Variants in PIEZO2 observed in about 807,000 individuals in gnomAD.
PIEZO2 encodes piezo-type mechanosensitive ion channel component 2.
A neutral mutation model predicts 337.3 loss-of-function variants in PIEZO2; 172 were observed. The ratio of observed to expected loss-of-function variants is 0.51; its 90% CI spans 0.45 to 0.58. The LOEUF is 0.58. PIEZO2 is among the 20% of genes least tolerant of loss of function. The pLI, the probability that PIEZO2 is intolerant of heterozygous loss-of-function variation, is 0.00. For missense variants in PIEZO2, 3,028 were observed against 3,391.3 expected (o/e 0.89, Z 2.66); for synonymous variants, 1,251 against 1,228.5 (o/e 1.02, Z -0.38).
At chr18:10,987,093 T>G (rs1568268897) in intron 2 of PIEZO2, among the ~76,000 whole-genome samples, 1 of 152,050 alleles carries the variant, frequency 6.6e-6, no homozygotes, top group Non-Finnish European at 1.5e-5. Flanking sequence ...CCCATGTTCA[T>G]GGACTGGAAT....
At chr18:10,967,095 G>A (rs1431898316) in intron 3 of PIEZO2, among the ~76,000 whole-genome samples, 13 of 141,112 alleles carry the variant, frequency 9.2e-5, no homozygotes, top group Non-Finnish European at 1.5e-5. Context: ...TCGGCTCACT[G>A]CAACTTCTGC....
rs35347689 is a variant in PIEZO2 at position 11,012,071 on chromosome 18, G to GA, written c.161-32412dup. On this transcript the variant is annotated intron_variant, in intron 2 of 55. Transcript: ENST00000674853. ...TATTGTCTTATCCCTTTGCAAAAGC[G>GA]AAAAAAAAAGTTTTAGGGGAGAATT... Among the ~76,000 whole-genome samples, 20 of 151,682 alleles carry GA rather than the reference G, an allele frequency of 1.3e-4. No homozygotes were observed. The South Asian group carries it at 2.5e-3, about 19-fold the overall frequency.
At position 10,696,476 on chromosome 18, in the gene PIEZO2, G is replaced by C; in HGVS notation, c.6891C>G (p.Ser2297Arg). Residue 2297 changes from serine (S) to arginine (R), a missense_variant, in exon 46 of 56, where the codon AGC (serine) becomes AGG (arginine). Ser to Arg is a moderately radical substitution (Grantham distance 110). This residue lies in a region of PIEZO2 where 1,925 missense variants were observed against 2,051.9 expected (regional missense o/e 0.94). Coordinates refer to ENST00000674853, the MANE Select transcript of PIEZO2 (RefSeq NM_001378183.1). ...TGAGTACATACACGTCAGTCACGGC[G>C]CTATACTCCGGGTGGATGAGGTTGT... ...FFYNLIHPEY[S>R]AVTDVYVLMF... 6.2e-7 allele frequency: 1 copy of C among 1,614,084 alleles called. No individual in the cohort carries two copies. Among genetic ancestry groups the C allele is most frequent in the Non-Finnish European group, 8.5e-7 (1 of 1,180,022 alleles).
Position 10,736,729 on chromosome 18 carries a change from T to A in PIEZO2, c.4709-19A>T. 6.5e-7 allele frequency: 1 copy of A among 1,532,492 alleles called. No individual in the cohort carries two copies. The highest frequency in any genetic ancestry group is 1.4e-5 in the African/African-American group (1 of 72,824). The allele number at this position is 1,532,492 out of a possible 1,614,324, so 94.9% of individuals were successfully genotyped here. On this transcript the variant is annotated intron_variant, in intron 33 of 55. Coordinates refer to ENST00000674853, the MANE Select transcript of PIEZO2 (RefSeq NM_001378183.1). ...CTGACCACTAAGCAAAACAAAATAT[T>A]CACTCATTTCTTGAAAGACATATAA...
chr18:11,054,815 A>C (rs908430481), intron 2 of PIEZO2, among the ~76,000 whole-genome samples: 4 of 152,280 alleles, frequency 2.6e-5, no homozygotes, highest in African/African-American at 9.6e-5. Flanking sequence ...CAGGGAGAGG[A>C]GCATGGATGA....
rs1380692109 is a variant in PIEZO2 at position 10,784,760 on chromosome 18, T to C, written c.2492+24A>G. 1 of 1,509,380 alleles carries C rather than the reference T, an allele frequency of 6.6e-7. No homozygotes were observed. The highest frequency in any genetic ancestry group is 8.8e-7 in the Non-Finnish European group (1 of 1,130,060). 93.5% of individuals were successfully genotyped at this position (1,509,380 alleles called of 1,614,324 possible). ...GAGCTGCCTTCCTGCTAATAAGAGG[T>C]CTGTGTTTCTTCCAGTGGCTCACCT... On this transcript the variant is annotated intron_variant, in intron 17 of 55. Transcript: ENST00000674853. This position sits in a 1 kb window ranked among gnomAD's most constrained non-coding sequence, Gnocchi z 4.5.
At chr18:11,095,608 A>G (rs2039239352) in intron 1 of PIEZO2, among the ~76,000 whole-genome samples, 1 of 152,228 alleles carries the variant, frequency 6.6e-6, no homozygotes, top group Admixed American at 6.5e-5. Flanking sequence ...GTCATCTAAC[A>G]CTAGTGAAAA....
chr18:11,134,469 CT>C (rs754146380), intron 1 of PIEZO2, among the ~76,000 whole-genome samples: 6 of 152,188 alleles, frequency 3.9e-5, no homozygotes, highest in Non-Finnish European at 7.3e-5. Context: ...TCAGCGCTGG[CT>C]TCATGCTCAC....
At position 10,784,817 on chromosome 18, in the gene PIEZO2, G is replaced by A; in HGVS notation, c.2459C>T (p.Ser820Phe). 1 of 1,537,604 alleles carries A rather than the reference G, an allele frequency of 6.5e-7. No homozygotes were observed. Among genetic ancestry groups the A allele is most frequent in the East Asian group, 2.4e-5 (1 of 40,900 alleles). Residue 820 changes from serine to phenylalanine, a missense_variant, in exon 17 of 56, where the codon TCC becomes TTC. Physicochemically the swap from Ser to Phe is radical, Grantham distance 155. This residue lies in a region of PIEZO2 where 1,925 missense variants were observed against 2,051.9 expected (regional missense o/e 0.94). Transcript: ENST00000674853. The surrounding 1 kb of genome is among the most constrained non-coding windows in gnomAD (Gnocchi z 4.5). ...DRFLELTDLK[S>F]IPSKEDNTIY... ...GGTGTTGTCTTCTTTGCTGGGAATG[G>A]ACTTGAGGTCTGTGAGTTCAAGGAA...
At chr18:10,967,621 T>C (rs187649799) in intron 3 of PIEZO2, among the ~76,000 whole-genome samples, 77 of 152,254 alleles carry the variant, frequency 5.1e-4, no homozygotes, top group African/African-American at 1.9e-3. Flanking sequence ...TATTTTTTTT[T>C]ATTATGGCCA....
Position 10,724,182 on chromosome 18 carries a change from T to A in PIEZO2, c.5030-5923A>T, listed in dbSNP as rs560062105. 2.4e-4 allele frequency among the ~76,000 whole-genome samples: 36 copies of A among 152,242 alleles called. No homozygotes were observed. The highest frequency in any genetic ancestry group is 8.7e-4 in the African/African-American group (36 of 41,540). Reference sequence around the variant, plus strand: ...GCTTAGAGGATTCCAGTAACCACCATCTAGGTGGGTGTTTAAAACTCTTGC... The same window carrying A: ...GCTTAGAGGATTCCAGTAACCACCAACTAGGTGGGTGTTTAAAACTCTTGC... On this transcript the variant is annotated intron_variant, in intron 36 of 55. Coordinates refer to ENST00000674853, the MANE Select transcript of PIEZO2 (RefSeq NM_001378183.1). This position sits in a 1 kb window ranked among gnomAD's most constrained non-coding sequence, Gnocchi z 5.8.
chr18:10,935,853 T>C (rs2032363272), intron 3 of PIEZO2, among the ~76,000 whole-genome samples: 1 of 152,324 alleles, frequency 6.6e-6, no homozygotes, highest in East Asian at 1.9e-4. Context: ...ACAGTCACCT[T>C]CCTCACGTGC....
chr18:11,147,190 C>T (rs1166549402), intron 1 of PIEZO2, among the ~76,000 whole-genome samples: 2 of 152,150 alleles, frequency 1.3e-5, no homozygotes, highest in Admixed American at 1.3e-4. Context: ...CTTAGCTCTT[C>T]ATCTATGCGA....
chr18:11,068,325 G>C (rs1008026729), intron 1 of PIEZO2, among the ~76,000 whole-genome samples: 2 of 152,152 alleles, frequency 1.3e-5, no homozygotes, highest in African/African-American at 4.8e-5. Flanking sequence ...ATCATATCAA[G>C]TGTCTTTTCC....
At chr18:10,873,344 G>A (rs1335286359) in intron 4 of PIEZO2, among the ~76,000 whole-genome samples, 1 of 152,078 alleles carries the variant, frequency 6.6e-6, no homozygotes, top group Non-Finnish European at 1.5e-5. Flanking sequence ...GGCTTCAAAA[G>A]GCAATCTAAC....
rs10718341 is a variant in PIEZO2, at chr18:10,828,140, GTTTTTTTTT to G, written c.918-20875_918-20867del. Among the ~76,000 whole-genome samples, 6 of 141,064 alleles carry G rather than the reference GTTTTTTTTT, an allele frequency of 4.3e-5. No homozygotes were observed. The highest frequency in any genetic ancestry group is 4.1e-4 in the East Asian group (2 of 4,928). 92.5% of individuals were successfully genotyped at this position (141,064 alleles called of 152,430 possible). A position where few individuals can be genotyped will look rare whatever the true frequency, so the allele number is the denominator to read the frequency against. Reference sequence around the variant, plus strand: ...GGTTTTTTTTTGTTTGTTTGTTTTTGTTTTTTTTTTTTTTTACAGTAAAACCAATCCTGT... The same window carrying G: ...GGTTTTTTTTTGTTTGTTTGTTTTTGTTTTTTACAGTAAAACCAATCCTGT... On this transcript the variant is annotated intron_variant, in intron 7 of 55. Coordinates refer to ENST00000674853, the MANE Select transcript of PIEZO2 (RefSeq NM_001378183.1). This position sits in a 1 kb window ranked among gnomAD's most constrained non-coding sequence, Gnocchi z 4.1.
In PIEZO2 at chr18:10,673,935, GT is replaced by G. The variant is rs1309037568; in HGVS notation, c.8162-1063del. On this transcript the variant is annotated intron_variant, in intron 54 of 55. Transcript: ENST00000674853. The surrounding 1 kb of genome is among the most constrained non-coding windows in gnomAD (Gnocchi z 4.8). ...AAAGATCATACCAAAATTTCATAATGTTTTAAGAAAGTTTACAGATTTGTGT... is the reference window on the plus strand; with the variant it reads ...AAAGATCATACCAAAATTTCATAATGTTTAAGAAAGTTTACAGATTTGTGT... Among the ~76,000 whole-genome samples, 4 of 152,164 alleles carry G rather than the reference GT, an allele frequency of 2.6e-5. No homozygotes were observed. Among genetic ancestry groups the G allele is most frequent in the African/African-American group, 9.7e-5 (4 of 41,432 alleles).
chr18:10,825,888 A>G (rs765542621), intron 7 of PIEZO2, among the ~76,000 whole-genome samples: 22 of 152,142 alleles, frequency 1.4e-4, no homozygotes, highest in Admixed American at 2.6e-4. Flanking sequence ...AAGAAGTCAC[A>G]ATGCACAGCC....
chr18:10,721,307 C>T (rs1169833375), intron 36 of PIEZO2, among the ~76,000 whole-genome samples: 1 of 152,220 alleles, frequency 6.6e-6, no homozygotes, highest in African/African-American at 2.4e-5. Context: ...ATGACAACAG[C>T]TGGCACTTCA....
Sources: gnomAD v4.1 joint callset for allele counts (sites outside exome capture counted in the v4.1 genomes callset) on GRCh38, gnomAD v4.1.1 for gene constraint, gnomAD v4.1.1 regional missense constraint, Gnocchi (gnomAD v3.1) non-coding constraint, MANE v1.5 for transcripts, NCBI Gene and HGNC (gene_info 2026-07-23, HGNC 2026-07-21) for gene names.